Variants in ZMAT4 observed in about 807,000 individuals in gnomAD.
ZMAT4 encodes the protein zinc finger matrin-type protein 4.
Under a neutral mutation model 28.7 loss-of-function variants are expected in ZMAT4, and 17 were observed. The ratio of observed to expected loss-of-function variants is 0.59; its 90% CI spans 0.41 to 0.89. The LOEUF is 0.89. Among genes scored for constraint, ZMAT4 ranks in the 40% least tolerant of loss-of-function variants. The probability of loss-of-function intolerance (pLI) is 0.00; values close to 1 mark genes in which losing one functional copy is unlikely to be tolerated. For missense variants in ZMAT4, 240 were observed against 283.8 expected, an observed-to-expected ratio of 0.85 and a Z score of 1.11; for synonymous variants, 117 against 109.2, an observed-to-expected ratio of 1.07 and a Z score of -0.44.
intron 5 of ZMAT4, among the ~76,000 whole-genome samples, chr8:40,593,585 T>C (rs569003331): frequency 6.6e-6 from 1 of 152,212 alleles, no homozygotes; most frequent in East Asian, 1.9e-4. Flanking sequence ...AAAGTCCTAA[T>C]GTGTCTTCAC....
chr8:40,668,879 G>GTTTTT (rs36023323), intron 5 of ZMAT4, among the ~76,000 whole-genome samples: 1 of 146,780 alleles, frequency 6.8e-6, no homozygotes. Flanking sequence ...CTTTTAAAGT[G>GTTTTT]TTTTTTTTTT....
chr8:40,809,343 T>C (rs1225228010), intron 2 of ZMAT4, among the ~76,000 whole-genome samples: 2 of 152,180 alleles, frequency 1.3e-5, no homozygotes, highest in Admixed American at 1.3e-4. Flanking sequence ...GAGAGGGTCA[T>C]GGGTTGAAAA....
chr8:40,535,674 A>G (rs1357981995), intron 6 of ZMAT4, among the ~76,000 whole-genome samples: 1 of 152,156 alleles, frequency 6.6e-6, no homozygotes, highest in African/African-American at 2.4e-5. Context: ...TCTCAAAAAA[A>G]AAAAAAAATG....
At chr8:40,762,197 A>G (rs1210263729) in intron 3 of ZMAT4, among the ~76,000 whole-genome samples, 1 of 152,206 alleles carries the variant, frequency 6.6e-6, no homozygotes, top group South Asian at 2.1e-4. Context: ...CTAAGTGAAT[A>G]ATGTCCCCCT....
chr8:40,816,423 G>C (rs1563503762), intron 2 of ZMAT4, among the ~76,000 whole-genome samples: 1 of 152,092 alleles, frequency 6.6e-6, no homozygotes, highest in Admixed American at 6.5e-5. Flanking sequence ...TGCTGAAAGT[G>C]TTTGTTGCCA....
intron 1 of ZMAT4, among the ~76,000 whole-genome samples, chr8:40,877,199 C>A (rs1368309468): frequency 6.6e-6 from 1 of 152,186 alleles, no homozygotes; most frequent in Non-Finnish European, 1.5e-5. Context: ...TGGTCAGGGG[C>A]AGATCCTTCC....
intron 4 of ZMAT4, among the ~76,000 whole-genome samples, chr8:40,676,824 T>C (rs1808930810): frequency 6.6e-6 from 1 of 152,172 alleles, no homozygotes; most frequent in South Asian, 2.1e-4. Context: ...TATCACCATG[T>C]AGAAATAAAG....
At chr8:40,722,163 A>T (rs556981659) in intron 3 of ZMAT4, among the ~76,000 whole-genome samples, 2 of 151,996 alleles carry the variant, frequency 1.3e-5, no homozygotes. Context: ...CAAAAGCCAA[A>T]ATTGACAAAT....
At chr8:40,712,702 G>A (rs1284071227) in intron 3 of ZMAT4, among the ~76,000 whole-genome samples, 1 of 152,136 alleles carries the variant, frequency 6.6e-6, no homozygotes, top group African/African-American at 2.4e-5. Context: ...TTTCACAGAA[G>A]GCCCTGTCTC....
At chr8:40,892,204 C>T (rs974522979) in intron 1 of ZMAT4, among the ~76,000 whole-genome samples, 1 of 152,182 alleles carries the variant, frequency 6.6e-6, no homozygotes, top group Admixed American at 6.5e-5. Context: ...TTCATTTATC[C>T]AGGGAGAAGT....
chr8:40,755,315 C>G (rs1451267230), intron 3 of ZMAT4, among the ~76,000 whole-genome samples: 1 of 152,160 alleles, frequency 6.6e-6, no homozygotes, highest in Non-Finnish European at 1.5e-5. Context: ...ATATCTTAGG[C>G]CTTCTGGGAT....
At chr8:40,728,021 T>C (rs182870703) in intron 3 of ZMAT4, among the ~76,000 whole-genome samples, 7 of 152,216 alleles carry the variant, frequency 4.6e-5, no homozygotes, top group Admixed American at 2.6e-4. Flanking sequence ...GAAATAAAGA[T>C]AGAAAAATAT....
intron 2 of ZMAT4, among the ~76,000 whole-genome samples, chr8:40,798,241 A>G (rs1814678039): frequency 6.6e-6 from 1 of 152,176 alleles, no homozygotes; most frequent in Non-Finnish European, 1.5e-5. Context: ...CTGATCTGCA[A>G]GTTAATGATC....
intron 3 of ZMAT4, among the ~76,000 whole-genome samples, chr8:40,745,704 A>C (rs1311609803): frequency 6.6e-6 from 1 of 152,106 alleles, no homozygotes; most frequent in Non-Finnish European, 1.5e-5. Flanking sequence ...GCCAGGCAAT[A>C]TTCCCCCATT....
At chr8:40,725,836 A>G (rs947635012) in intron 3 of ZMAT4, among the ~76,000 whole-genome samples, 1 of 152,242 alleles carries the variant, frequency 6.6e-6, no homozygotes, top group Non-Finnish European at 1.5e-5. Context: ...ACAGCATTGC[A>G]TTTAAAGAAA....
chr8:40,600,846 T>A (rs1296566697), intron 5 of ZMAT4, among the ~76,000 whole-genome samples: 1 of 152,162 alleles, frequency 6.6e-6, no homozygotes, highest in Non-Finnish European at 1.5e-5. Flanking sequence ...ACTAGCAAGC[T>A]GCTGCATCCT....
At chr8:40,584,132 T>G (rs999689105) in intron 5 of ZMAT4, among the ~76,000 whole-genome samples, 3 of 152,186 alleles carry the variant, frequency 2.0e-5, no homozygotes, top group Middle Eastern at 3.2e-3. Context: ...GTCCTGAGTT[T>G]ATTTTCCTTT....
At chr8:40,634,750 CAA>C (rs954760988) in intron 5 of ZMAT4, among the ~76,000 whole-genome samples, 1 of 151,990 alleles carries the variant, frequency 6.6e-6, no homozygotes, top group Non-Finnish European at 1.5e-5. Context: ...TATCACTTTA[CAA>C]AAAAACAAGC....
At position 40,801,351 on chromosome 8, in the gene ZMAT4, A is replaced by AAATAT. The variant is rs370796453; in HGVS notation, c.102+24223_102+24224insATATT. 1.8e-3 allele frequency among the ~76,000 whole-genome samples: 177 copies of AAATAT among 97,256 alleles called. 2 individuals carry two copies. The highest frequency in any genetic ancestry group is 5.9e-3 in the African/African-American group (158 of 26,980). The allele number at this position is 97,256 out of a possible 152,430, so 63.8% of individuals were successfully genotyped here. On this transcript the variant is annotated intron_variant, in intron 2 of 6. Transcript: ENST00000297737. ...AGATGATACTTTCTTTAAAAAAAAAAATATATATATATATATATATACATA... is the reference window on the plus strand; with the variant it reads ...AGATGATACTTTCTTTAAAAAAAAAAAATATATATATATATATATATATATACATA...
Sources: allele counts gnomAD v4.1 joint callset (sites outside exome capture counted in the v4.1 genomes callset), GRCh38; gene constraint gnomAD v4.1.1; transcripts MANE v1.5; gene names NCBI Gene and HGNC (gene_info 2026-07-23, HGNC 2026-07-21).